Variants in C16orf74 observed in about 807,000 individuals in gnomAD.
The protein encoded by C16orf74 is calcimembrin.
Under a neutral mutation model 6.5 loss-of-function variants are expected in C16orf74, and 10 were observed. The ratio of observed to expected loss-of-function variants is 1.54; its 90% confidence interval spans 0.95 to 2.61. The LOEUF is 2.61. C16orf74 is among the 30% of genes most tolerant of loss of function. The pLI is 0.00. For synonymous variants in C16orf74, 60 were observed against 42.5 expected (o/e 1.41, Z -1.60); for missense variants, 141 against 105.9 (o/e 1.33, Z -1.45).
At chr16:85,718,051 G>A (rs1370090226) in intron 2 of C16orf74, among the ~76,000 whole-genome samples, 1 of 152,212 alleles carries the variant, frequency 6.6e-6, no homozygotes, top group Non-Finnish European at 1.5e-5. Flanking sequence ...TGGGCATCAC[G>A]GCTCACGTGC....
At chr16:85,709,751 G>T (rs971438856) in intron 3 of C16orf74, among the ~76,000 whole-genome samples, 6 of 152,196 alleles carry the variant, frequency 3.9e-5, no homozygotes, top group South Asian at 2.1e-4. Flanking sequence ...CCCAGGGTCC[G>T]GCCCCAGCCT....
intron 2 of C16orf74, among the ~76,000 whole-genome samples, chr16:85,734,109 A>G (rs1427133376): frequency 1.3e-5 from 2 of 152,160 alleles, no homozygotes; most frequent in Admixed American, 1.3e-4. Flanking sequence ...CTTGTTAACC[A>G]GTATCCGCTT....
At chr16:85,714,088 A>G (rs1474209997) in intron 2 of C16orf74, among the ~76,000 whole-genome samples, 1 of 152,094 alleles carries the variant, frequency 6.6e-6, no homozygotes, top group Non-Finnish European at 1.5e-5. Context: ...CCCCCGCCCC[A>G]CTTCTGTTAG....
intron 1 of C16orf74, chr16:85,743,665 T>G (rs1266399657): frequency 6.6e-6 from 1 of 152,196 alleles, no homozygotes; most frequent in Non-Finnish European, 1.5e-5. Flanking sequence ...AAGCCTGTAA[T>G]CCCAGCACTT....
chr16:85,737,281 C>T (rs906203679), intron 1 of C16orf74, among the ~76,000 whole-genome samples: 2 of 152,280 alleles, frequency 1.3e-5, no homozygotes, highest in African/African-American at 2.4e-5. Flanking sequence ...ACAGGCTTCC[C>T]GGTAGCTGTG....
At chr16:85,749,621 G>A (rs1457680446) in intron 1 of C16orf74, among the ~76,000 whole-genome samples, 1 of 152,232 alleles carries the variant, frequency 6.6e-6, no homozygotes, top group Non-Finnish European at 1.5e-5. Flanking sequence ...ACAGTATTTG[G>A]TTGGAGAGTT....
chr16:85,720,734 C>G (rs2054073639), intron 2 of C16orf74, among the ~76,000 whole-genome samples: 1 of 148,310 alleles, frequency 6.7e-6, no homozygotes, highest in East Asian at 2.0e-4. Context: ...TGCAATCACA[C>G]CACGGCACCC....
chr16:85,738,257 C>T (rs960907670), intron 1 of C16orf74, among the ~76,000 whole-genome samples: 4 of 151,710 alleles, frequency 2.6e-5, no homozygotes, highest in African/African-American at 9.7e-5. Flanking sequence ...AAACAAAATG[C>T]TGCTTGCTGC....
Position 85,710,323 on chromosome 16 carries a change from T to C in C16orf74, c.29-16A>G. ...ATTTGAAAGCCTGAGAAGCCAGGCG[T>C]GGAGCACACACGCACGTACACACGA... On this transcript the variant is annotated splice_polypyrimidine_tract_variant and intron_variant, in intron 2 of 3. Coordinates refer to ENST00000284245, the MANE Select transcript of C16orf74 (RefSeq NM_206967.3). 6.7e-7 allele frequency: 1 copy of C among 1,490,588 alleles called. No individual in the cohort carries two copies. The highest frequency in any genetic ancestry group is 8.8e-7 in the Non-Finnish European group (1 of 1,133,384). 92.3% of individuals were successfully genotyped at this position (1,490,588 alleles called of 1,614,324 possible).
At chr16:85,746,571 C>T (rs1012007121) in intron 1 of C16orf74, among the ~76,000 whole-genome samples, 5 of 152,146 alleles carry the variant, frequency 3.3e-5, no homozygotes, top group African/African-American at 4.8e-5. Context: ...TCCTGAGTCA[C>T]GGTGGCACCT....
chr16:85,748,901 C>T (rs1052818219), intron 1 of C16orf74, among the ~76,000 whole-genome samples: 1 of 150,924 alleles, frequency 6.6e-6, no homozygotes, highest in Non-Finnish European at 1.5e-5. Context: ...GGGAGTGGTC[C>T]ATTCAGATGA....
chr16:85,728,521 C>T lies in C16orf74; in HGVS notation c.28+6669G>A, dbSNP rs73255178. On this transcript the variant is annotated intron_variant, in intron 2 of 3. Transcript: ENST00000284245. ...AGTTAACCCAGGCTGGAGCTGACGC[C>T]CACCCCGCCCCCACAGAACCTCACA... Among the ~76,000 whole-genome samples the T allele has an allele frequency of 3.5e-3, 539 of 152,220 alleles. 4 individuals are homozygous for T. The highest frequency in any genetic ancestry group is 0.013 in the African/African-American group (520 of 41,520).
chr16:85,723,126 G>A (rs946544965), intron 2 of C16orf74, among the ~76,000 whole-genome samples: 1 of 152,024 alleles, frequency 6.6e-6, no homozygotes, highest in Non-Finnish European at 1.5e-5. Flanking sequence ...CAGGTGTGGT[G>A]GTGCATGCCT....
chr16:85,711,758 T>C (rs1430034737), intron 2 of C16orf74, among the ~76,000 whole-genome samples: 1 of 152,184 alleles, frequency 6.6e-6, no homozygotes, highest in South Asian at 2.1e-4. Flanking sequence ...GGGATTAAAT[T>C]AGCTCAAGTA....
At chr16:85,730,154 C>A (rs763606233) in intron 2 of C16orf74, among the ~76,000 whole-genome samples, 4 of 152,090 alleles carry the variant, frequency 2.6e-5, no homozygotes, top group Non-Finnish European at 5.9e-5. Flanking sequence ...CTGGTCAGAG[C>A]GGGTGAGATG....
At chr16:85,710,366 G>T (rs748355555) in intron 2 of C16orf74, 59 bp from the exon 3 acceptor site, 1 of 1,420,588 alleles carries the variant, frequency 7.0e-7, no homozygotes, top group Non-Finnish European at 9.1e-7. Flanking sequence ...ACAGGCATCA[G>T]TGGCCGCCGG....
intron 1 of C16orf74, among the ~76,000 whole-genome samples, chr16:85,742,009 GC>G (rs1567813053): frequency 6.6e-6 from 1 of 152,184 alleles, no homozygotes; most frequent in African/African-American, 2.4e-5. Context: ...TGAACAGCTT[GC>G]TTGGTGCCGT....
intron 2 of C16orf74, among the ~76,000 whole-genome samples, chr16:85,730,227 C>A (rs1178172991): frequency 6.6e-6 from 1 of 152,154 alleles, no homozygotes; most frequent in Non-Finnish European, 1.5e-5. Context: ...TGGGTTCAGC[C>A]CATGCCTCCC....
intron 3 of C16orf74, 81 bp downstream of exon 3, chr16:85,710,083 G>T (rs2053953097): frequency 8.1e-7 from 1 of 1,235,488 alleles, no homozygotes; most frequent in African/African-American, 1.6e-5. Context: ...AGGCCCCGTG[G>T]CCAGGAAGGA....
Sources: allele counts gnomAD v4.1 joint callset (sites outside exome capture counted in the v4.1 genomes callset), GRCh38; gene constraint gnomAD v4.1.1; transcripts MANE v1.5; gene names NCBI Gene and HGNC (gene_info 2026-07-23, HGNC 2026-07-21).